Variants in PPP6R2 observed in about 807,000 individuals in gnomAD.
PPP6R2 encodes protein phosphatase 6 regulatory subunit 2.
Under a neutral mutation model 100.2 loss-of-function variants are expected in PPP6R2, and 62 were observed. The ratio of observed to expected loss-of-function variants is 0.62; its 90% CI spans 0.50 to 0.76. The LOEUF is 0.76. Among genes scored for constraint, PPP6R2 ranks in the 30% least tolerant of loss-of-function variants. The pLI, the probability that PPP6R2 is intolerant of heterozygous loss-of-function variation, is 0.00. For synonymous variants in PPP6R2, 525 were observed against 514.7 expected (o/e 1.02, Z -0.27); for missense variants, 1,142 against 1,276.3 (o/e 0.89, Z 1.60).
At chr22:50,390,782 C>T (rs1310668508) in intron 2 of PPP6R2, among the ~76,000 whole-genome samples, 2 of 151,868 alleles carry the variant, frequency 1.3e-5, no homozygotes, top group Admixed American at 6.6e-5. Context: ...GGACAGATCA[C>T]GAGGTCAGGA....
chr22:50,343,232 C>CCGGCCCCGCCCACCCGCG (rs1408485086), upstream of PPP6R2: 12 of 150,952 alleles, frequency 7.9e-5, no homozygotes, highest in Admixed American at 6.6e-4. Context: ...GGCCCAGGTC[C>CCGGCCCCGCCCACCCGCG]CGGCCCCGCC....
chr22:50,358,814 T>C (rs2047132368), intron 1 of PPP6R2, among the ~76,000 whole-genome samples: 1 of 152,104 alleles, frequency 6.6e-6, no homozygotes, highest in Non-Finnish European at 1.5e-5. Flanking sequence ...TTGAAAGGAC[T>C]CTCTTCTCCA....
At position 50,361,795 on chromosome 22, in the gene PPP6R2, G is replaced by A. The variant is rs950265846; in HGVS notation, c.-147-10225G>A. Among the ~76,000 whole-genome samples the A allele has an allele frequency of 2.6e-5, 4 of 152,212 alleles. No individual in the cohort carries two copies. The East Asian group carries it at 5.8e-4, about 22-fold the overall frequency. On this transcript the variant is annotated intron_variant, in intron 1 of 23. Transcript: ENST00000612753. ...ATAGCATAGGTGCGCTGTCTGTCTT[G>A]TGGTGCGCGTAGGTGCGGACTAGGG...
At chr22:50,425,264 G>A (rs577811371) in intron 10 of PPP6R2, among the ~76,000 whole-genome samples, 33 of 152,138 alleles carry the variant, frequency 2.2e-4, no homozygotes, top group Non-Finnish European at 4.7e-4. Flanking sequence ...ATCTTTTTGT[G>A]ACTGACTTAT....
At chr22:50,334,904 C>G in the PPP6R2 span, among the ~76,000 whole-genome samples, 6 of 151,684 alleles carry the variant, frequency 4.0e-5, no homozygotes, top group Admixed American at 2.6e-4. Context: ...GAGGCAAGAT[C>G]GCACCAACTG....
At chr22:50,340,422 T>TGTAG (rs1156655502), upstream of PPP6R2, among the ~76,000 whole-genome samples, 6 of 123,902 alleles carry the variant, frequency 4.8e-5, no homozygotes, top group African/African-American at 1.3e-4. Context: ...AGGGTGTGTG[T>TGTAG]GGTGTGTGTG....
chr22:50,354,232 A>G (rs1338155730), intron 1 of PPP6R2, among the ~76,000 whole-genome samples: 2 of 151,968 alleles, frequency 1.3e-5, no homozygotes, highest in African/African-American at 4.8e-5. Context: ...TTGAACCCAG[A>G]AGGTGGAGAT....
the PPP6R2 span, among the ~76,000 whole-genome samples, chr22:50,331,797 T>C: frequency 2.0e-5 from 3 of 152,284 alleles, no homozygotes; most frequent in African/African-American, 7.2e-5. Flanking sequence ...TAATTTTGTA[T>C]TTTTAGTAGA....
intron 10 of PPP6R2, among the ~76,000 whole-genome samples, chr22:50,426,574 C>T (rs1287116262): frequency 2.6e-5 from 4 of 152,140 alleles, no homozygotes; most frequent in South Asian, 2.1e-4. Context: ...GTGGTTCACG[C>T]CTGTAAACCC....
At chr22:50,349,624 G>C (rs79330110) in intron 1 of PPP6R2, among the ~76,000 whole-genome samples, 13,159 of 152,010 alleles carry the variant, frequency 0.087, 803 homozygotes, top group East Asian at 0.19. Context: ...TCAGGAATTC[G>C]AGACCAGCCT....
chr22:50,343,286 A>C (rs1422175114), upstream of PPP6R2: 1 of 149,796 alleles, frequency 6.7e-6, no homozygotes, highest in African/African-American at 2.4e-5. Context: ...GCGCGCCCCA[A>C]GCGGAGACCC....
At chr22:50,394,600 TAAAAAAAAAAA>T (rs67708136) in intron 3 of PPP6R2, among the ~76,000 whole-genome samples, 1 of 80,564 alleles carries the variant, frequency 1.2e-5, no homozygotes, top group Non-Finnish European at 2.3e-5. Flanking sequence ...ACCCTGTCTT[TAAAAAAAAAAA>T]AAAAAAAAAA....
rs557720144 is a variant in PPP6R2 at position 50,412,965 on chromosome 22, T to C, written c.415-1587T>C. ...TGGCCTAGATAAGTCCTTTTTTTTT[T>C]GTTTTTTTTTTTGAGACAGAGTTTT... On this transcript the variant is annotated intron_variant, in intron 4 of 23. Transcript: ENST00000612753. 1.3e-4 allele frequency among the ~76,000 whole-genome samples: 19 copies of C among 143,730 alleles called. No homozygotes were observed. The South Asian group carries it at 4.2e-3, about 32-fold the overall frequency. 94.3% of individuals were successfully genotyped at this position (143,730 alleles called of 152,430 possible). A position where few individuals can be genotyped will look rare whatever the true frequency, so the allele number is the denominator to read the frequency against.
At chr22:50,385,728 C>T (rs1309179332) in intron 2 of PPP6R2, among the ~76,000 whole-genome samples, 3 of 148,024 alleles carry the variant, frequency 2.0e-5, no homozygotes, top group Non-Finnish European at 4.5e-5. Flanking sequence ...GTTGGCCAGG[C>T]TGGTCTTGAA....
At chr22:50,347,428 A>G (rs1397690437) in intron 1 of PPP6R2, among the ~76,000 whole-genome samples, 1 of 151,972 alleles carries the variant, frequency 6.6e-6, no homozygotes, top group African/African-American at 2.4e-5. Flanking sequence ...ACGGCTTGAG[A>G]TATCACCAGT....
chr22:50,444,112 G>A lies in PPP6R2; in HGVS notation c.2826G>A (p.Lys942=). ...AMVATLGTVT[K]DGKTDAPPEG... ...TGGCCACCCTGGGGACAGTGACAAA[G>A]GACGGGTGAGCAGGTTGAGTGTGGG... Residue 942 remains lysine (K), a synonymous_variant, in exon 23 of 24, where the codon AAG becomes AAA. Transcript: ENST00000612753. The A allele has an allele frequency of 6.2e-6, 10 of 1,612,154 alleles. No individual in the cohort carries two copies. The highest frequency in any genetic ancestry group is 8.5e-6 in the Non-Finnish European group (10 of 1,178,718).
intron 5 of PPP6R2, 22 bp downstream of exon 5, chr22:50,414,711 C>A (rs532969874): frequency 2.5e-5 from 39 of 1,582,134 alleles, no homozygotes; most frequent in Admixed American, 5.2e-5. Flanking sequence ...AGTCCCCCCC[C>A]GTTCCCGAGG....
At chr22:50,382,409 T>C (rs528096257) in intron 2 of PPP6R2, among the ~76,000 whole-genome samples, 40 of 150,772 alleles carry the variant, frequency 2.7e-4, no homozygotes, top group South Asian at 4.2e-4. Context: ...CCAGCCTGAC[T>C]AACATGGTGA....
rs768050097 is a variant in PPP6R2 at position 50,439,868 on chromosome 22, C to T, written c.2285+11C>T. The T allele has an allele frequency of 1.6e-5, 26 of 1,610,414 alleles. No homozygotes were observed. The highest frequency in any genetic ancestry group is 5.3e-5 in the African/African-American group (4 of 75,034). On this transcript the variant is annotated intron_variant, in intron 20 of 23. Transcript: ENST00000612753. ...CCAACCTTTCTGCTGGTAACAAATG[C>T]GCTGGCAGGAGGGGGCTGTGCCAGG...
Sources: allele counts gnomAD v4.1 joint callset (sites outside exome capture counted in the v4.1 genomes callset), GRCh38; gene constraint gnomAD v4.1.1; transcripts MANE v1.5; gene names NCBI Gene and HGNC (gene_info 2026-07-23, HGNC 2026-07-21).